The following KCNQ5 variants were observed in gnomAD, a reference collection of about 807,000 sequenced individuals.
KCNQ5 encodes the protein potassium voltage-gated channel subfamily KQT member 5.
Under a neutral mutation model 98.2 loss-of-function variants are expected in KCNQ5, and 30 were observed. The ratio of observed to expected loss-of-function variants is 0.31; its 90% CI spans 0.23 to 0.41. KCNQ5 has a LOEUF of 0.41. KCNQ5 is among the 10% of genes least tolerant of loss of function. KCNQ5 has a pLI of 1.00. For missense variants in KCNQ5, 835 were observed against 1,182.5 expected (o/e 0.71, Z 4.31); for synonymous variants, 458 against 449.4 (o/e 1.02, Z -0.24).
chr6:72,695,737 A>G (rs572121349), intron 1 of KCNQ5, among the ~76,000 whole-genome samples: 78 of 152,220 alleles, frequency 5.1e-4, no homozygotes, highest in African/African-American at 1.6e-3. Context: ...GAAGATTTAA[A>G]CTTGTACTTA....
chr6:72,982,530 ATCT>A (rs2150299592), intron 1 of KCNQ5, among the ~76,000 whole-genome samples: 1 of 101,638 alleles, frequency 9.8e-6, no homozygotes, highest in East Asian at 3.0e-4. Flanking sequence ...TGCTTTGTAG[ATCT>A]TCCTCCATCT....
At position 72,708,517 on chromosome 6, in the gene KCNQ5, A is replaced by G. The variant is rs912567097; in HGVS notation, c.398+85930A>G. ...ACATTTGAGCTTATTAAGCAAATAC[A>G]TTTTTGGGTTGGGTGGCAGCGGGGA... On this transcript the variant is annotated intron_variant, in intron 1 of 13. Transcript: ENST00000370398. 2.8e-4 allele frequency among the ~76,000 whole-genome samples: 42 copies of G among 152,102 alleles called. 1 individual carries two copies. Among genetic ancestry groups the G allele is most frequent in the Admixed American group, 2.4e-3 (36 of 15,276 alleles).
chr6:72,693,178 G>A (rs1768299672), intron 1 of KCNQ5, among the ~76,000 whole-genome samples: 1 of 152,120 alleles, frequency 6.6e-6, no homozygotes, highest in Non-Finnish European at 1.5e-5. Context: ...TGTGGAATAA[G>A]AAGACAAGCA....
intron 10 of KCNQ5, among the ~76,000 whole-genome samples, chr6:73,143,013 AC>A (rs567206341): frequency 1.4e-4 from 21 of 152,220 alleles, no homozygotes; most frequent in Non-Finnish European, 2.1e-4. Context: ...TCTTTCTTGT[AC>A]AATGTATGGC....
chr6:73,024,366 A>G (rs969415428), intron 2 of KCNQ5, among the ~76,000 whole-genome samples: 8 of 67,288 alleles, frequency 1.2e-4, no homozygotes, highest in African/African-American at 4.3e-4. Context: ...TGAAAGCGAT[A>G]GATAGATAGA....
At chr6:73,066,234 T>C (rs1773052381) in intron 3 of KCNQ5, among the ~76,000 whole-genome samples, 1 of 152,198 alleles carries the variant, frequency 6.6e-6, no homozygotes, top group Non-Finnish European at 1.5e-5. Flanking sequence ...AGTAGTTATA[T>C]TCCCTATTCT....
chr6:72,988,665 T>TC (rs1256870461), intron 1 of KCNQ5, among the ~76,000 whole-genome samples: 9 of 149,532 alleles, frequency 6.0e-5, no homozygotes, highest in African/African-American at 2.2e-4. Flanking sequence ...TTTTTTTTTT[T>TC]TTATTATACT....
intron 1 of KCNQ5, among the ~76,000 whole-genome samples, chr6:72,902,187 G>A (rs7739065): frequency 0.27 from 40,815 of 152,092 alleles, 5,818 homozygotes; most frequent in East Asian, 0.48. Flanking sequence ...GTGGACATTA[G>A]TTTTGTATCT....
chr6:73,033,222 C>A (rs1771230521), intron 2 of KCNQ5, among the ~76,000 whole-genome samples: 1 of 152,074 alleles, frequency 6.6e-6, no homozygotes, highest in Admixed American at 6.5e-5. Flanking sequence ...CACTTCCTGC[C>A]TCCAGCCCAT....
chr6:72,765,329 G>A (rs562723758), intron 1 of KCNQ5, among the ~76,000 whole-genome samples: 88 of 152,044 alleles, frequency 5.8e-4, no homozygotes, highest in African/African-American at 1.9e-3. Flanking sequence ...GGGCAGGGTG[G>A]AGGGAGAAGA....
intron 5 of KCNQ5, among the ~76,000 whole-genome samples, chr6:73,088,955 T>A (rs1774113682): frequency 6.6e-6 from 1 of 152,192 alleles, no homozygotes; most frequent in South Asian, 2.1e-4. Flanking sequence ...TTTCAATCTC[T>A]CCTGTACATT....
intron 2 of KCNQ5, among the ~76,000 whole-genome samples, chr6:73,026,463 G>A (rs548857671): frequency 2.0e-5 from 3 of 152,212 alleles, no homozygotes; most frequent in Admixed American, 1.3e-4. Flanking sequence ...CTTAGAGTTT[G>A]CTCCAAAAGG....
chr6:73,149,459 A>G (rs1329128254), intron 10 of KCNQ5, among the ~76,000 whole-genome samples: 1 of 152,216 alleles, frequency 6.6e-6, no homozygotes, highest in East Asian at 1.9e-4. Flanking sequence ...TCCAGAACTC[A>G]GCAGAATGTT....
In KCNQ5 at chr6:73,133,796, C is replaced by T. The variant is rs1776341578; in HGVS notation, c.1468+155C>T. ...TGTTTTATTGGAAGTTTATTCATTG[C>T]CTTGGGCAAATGTACAGAACATAAG... On this transcript the variant is annotated intron_variant, in intron 10 of 13. Coordinates refer to ENST00000370398, the MANE Select transcript of KCNQ5 (RefSeq NM_019842.4). 3.8e-6 allele frequency: 3 copies of T among 793,714 alleles called. No individual in the cohort carries two copies. The Admixed American group carries it at 6.5e-5, about 17-fold the overall frequency. 49.2% of individuals were successfully genotyped at this position (793,714 alleles called of 1,614,324 possible). A position where few individuals can be genotyped will look rare whatever the true frequency, so the allele number is the denominator to read the frequency against.
At chr6:72,668,143 T>C (rs1766921462) in intron 1 of KCNQ5, among the ~76,000 whole-genome samples, 1 of 152,224 alleles carries the variant, frequency 6.6e-6, no homozygotes, top group Non-Finnish European at 1.5e-5. Flanking sequence ...GGGGAAAGTG[T>C]ATAGAAACTC....
At chr6:72,723,057 C>G (rs566452393) in intron 1 of KCNQ5, among the ~76,000 whole-genome samples, 101 of 151,916 alleles carry the variant, frequency 6.6e-4, no homozygotes, top group Non-Finnish European at 1.0e-3. Flanking sequence ...ACCTTGCTGC[C>G]CAGGCTGAGC....
chr6:72,680,410 T>C (rs1767649149), intron 1 of KCNQ5, among the ~76,000 whole-genome samples: 1 of 152,236 alleles, frequency 6.6e-6, no homozygotes, highest in Non-Finnish European at 1.5e-5. Context: ...TATACCACAG[T>C]TTGTTTATCC....
At chr6:72,748,168 A>T (rs901856240) in intron 1 of KCNQ5, among the ~76,000 whole-genome samples, 1 of 152,000 alleles carries the variant, frequency 6.6e-6, no homozygotes, top group African/African-American at 2.4e-5. Flanking sequence ...TATACAGTTG[A>T]TGTGTGATAG....
chr6:73,078,025 T>G, intron 5 of KCNQ5, 138 bp downstream of exon 5: 1 of 659,818 alleles, frequency 1.5e-6, no homozygotes, highest in African/African-American at 1.8e-5. Flanking sequence ...AAATACTACT[T>G]ATTATTGTCT....
Sources: allele counts gnomAD v4.1 joint callset (sites outside exome capture counted in the v4.1 genomes callset), GRCh38; gene constraint gnomAD v4.1.1; transcripts MANE v1.5; gene names NCBI Gene and HGNC (gene_info 2026-07-23, HGNC 2026-07-21).